TG: variants seen among roughly 807,000 people sequenced by gnomAD.
The protein encoded by TG is thyroglobulin, also known as thyroid hormones.
Under a neutral mutation model 324.7 loss-of-function variants are expected in TG, and 270 were observed. The ratio of observed to expected loss-of-function variants is 0.83; its 90% CI spans 0.75 to 0.92. The LOEUF (loss-of-function observed/expected upper bound fraction) is 0.92, where lower values mean the gene tolerates loss of function less well. TG is among the 40% of genes least tolerant of loss of function. TG has a pLI of 0.00. For missense variants in TG, 3,591 were observed against 3,456.4 expected (o/e 1.04, Z -0.98); for synonymous variants, 1,401 against 1,327.0 (o/e 1.06, Z -1.21).
intron 41 of TG, chr8:133,037,583 A>G (rs972997312): frequency 6.7e-6 from 1 of 149,648 alleles, no homozygotes; most frequent in Non-Finnish European, 1.5e-5. Context: ...TTGTTTATAC[A>G]TTTTTTCCCT....
At chr8:133,077,770 T>C (rs1297411607) in intron 41 of TG, among the ~76,000 whole-genome samples, 1 of 151,480 alleles carries the variant, frequency 6.6e-6, no homozygotes, top group East Asian at 1.9e-4. Flanking sequence ...TGTGTGTTTG[T>C]ATGTGTGTGT....
intron 20 of TG, among the ~76,000 whole-genome samples, chr8:132,918,827 T>A (rs1587402838): frequency 6.6e-6 from 1 of 152,218 alleles, no homozygotes; most frequent in East Asian, 1.9e-4. Flanking sequence ...ATTCTATAAT[T>A]TAATTTCCCA....
chr8:132,983,239 C>T (rs1336597251), intron 34 of TG, 111 bp from the exon 35 acceptor site: 1 of 1,173,564 alleles, frequency 8.5e-7, no homozygotes, highest in Non-Finnish European at 1.3e-6. Flanking sequence ...AATCTGTCTG[C>T]CTTCCAAGTC....
intron 29 of TG, chr8:132,964,476 C>T (rs1828246807): frequency 6.3e-6 from 1 of 159,896 alleles, no homozygotes; most frequent in Non-Finnish European, 1.4e-5. Context: ...GACGGTGCTT[C>T]TCAGGGTCCA....
chr8:132,896,009 C>T (rs368830736), intron 11 of TG, among the ~76,000 whole-genome samples: 1 of 152,226 alleles, frequency 6.6e-6, no homozygotes, highest in East Asian at 1.9e-4. Context: ...GGATTGAGGG[C>T]CCAGAGCGAA....
intron 41 of TG, chr8:133,047,095 T>C (rs1839564872): frequency 6.6e-6 from 1 of 152,242 alleles, no homozygotes. Context: ...TCTCATGGTC[T>C]AGATCAGGGA....
chr8:132,954,608 A>G (rs1168488782), intron 27 of TG, among the ~76,000 whole-genome samples: 9 of 152,188 alleles, frequency 5.9e-5, no homozygotes, highest in Admixed American at 2.0e-4. Context: ...GGAGGACAGC[A>G]GCTCCCAACC....
chr8:133,103,124 A>G (rs4529449), intron 43 of TG: 5,874 of 155,448 alleles, frequency 0.038, 387 homozygotes, highest in African/African-American at 0.13. Context: ...TAGGGTCTGA[A>G]CCCAGGGCAT....
At position 133,120,275 on chromosome 8, in the gene TG, A is replaced by G. The variant is rs555607124; in HGVS notation, c.7862+3559A>G. Among the ~76,000 whole-genome samples, 7 of 152,372 alleles carry G rather than the reference A, an allele frequency of 4.6e-5. No individual in the cohort carries two copies. The East Asian group carries it at 1.2e-3, about 25-fold the overall frequency. On this transcript the variant is annotated intron_variant, in intron 45 of 47. Coordinates refer to ENST00000220616, the MANE Select transcript of TG (RefSeq NM_003235.5). ...CCCAGAATTTACAGTGGCAAAATAA[A>G]AAAGAAATGAGTCTTCTACATGAGG... is the stretch of plus-strand genomic sequence containing the variant.
At chr8:132,976,697 TG>T (rs1043616717) in intron 34 of TG, among the ~76,000 whole-genome samples, 1 of 152,140 alleles carries the variant, frequency 6.6e-6, no homozygotes, top group East Asian at 1.9e-4. Context: ...GAAAACACCA[TG>T]GGATGCACAT....
Position 132,881,979 on chromosome 8 carries a change from AC to A in TG, c.745+14del. 6.3e-7 allele frequency: 1 copy of A among 1,583,540 alleles called. No individual in the cohort carries two copies. The highest frequency in any genetic ancestry group is 8.7e-7 in the Non-Finnish European group (1 of 1,152,156). On this transcript the variant is annotated intron_variant, in intron 6 of 47. Coordinates refer to ENST00000220616, the MANE Select transcript of TG (RefSeq NM_003235.5). ...GAACTGGCTGAGACAGGTGAGTGATACCCCTCAGGTGATCTGAAGGGAGGGA... is the reference window on the plus strand; with the variant it reads ...GAACTGGCTGAGACAGGTGAGTGATACCCTCAGGTGATCTGAAGGGAGGGA...
At chr8:132,983,269 T>G (rs1831115235) in intron 34 of TG, 81 bp from the exon 35 acceptor site, 1 of 1,468,100 alleles carries the variant, frequency 6.8e-7, no homozygotes, top group Non-Finnish European at 9.5e-7. Flanking sequence ...AATCACCATC[T>G]TATACTTATA....
At chr8:133,091,799 T>A (rs1298240824) in intron 41 of TG, among the ~76,000 whole-genome samples, 1 of 152,040 alleles carries the variant, frequency 6.6e-6, no homozygotes, top group East Asian at 1.9e-4. Context: ...TAAGTGTGGG[T>A]CTCCCTGTGT....
chr8:132,970,329 G>A (rs374036434), intron 32 of TG, among the ~76,000 whole-genome samples: 19 of 151,940 alleles, frequency 1.3e-4, no homozygotes, highest in South Asian at 6.3e-4. Flanking sequence ...AGAATCACCC[G>A]GAGAGCTGAA....
rs545520453 is a variant in TG at position 133,112,577 on chromosome 8, G to C, written c.7573-845G>C. On this transcript the variant is annotated intron_variant, in intron 43 of 47. Transcript: ENST00000220616. Reference sequence around the variant, plus strand: ...GAAGGAGAGAGAAGGGGAGAGAAGGGGAGGGGAAGAGAAGGTGAGGGAAGG... The same window carrying C: ...GAAGGAGAGAGAAGGGGAGAGAAGGCGAGGGGAAGAGAAGGTGAGGGAAGG... Among the ~76,000 whole-genome samples the C allele has an allele frequency of 9.2e-5, 14 of 151,926 alleles. No individual in the cohort carries two copies. The South Asian group carries it at 2.9e-3, about 32-fold the overall frequency.
chr8:133,111,498 A>C (rs1294243671), intron 43 of TG, among the ~76,000 whole-genome samples: 1 of 152,250 alleles, frequency 6.6e-6, no homozygotes, highest in African/African-American at 2.4e-5. Context: ...AGGACAGAGA[A>C]TATAATGCAG....
intron 45 of TG, among the ~76,000 whole-genome samples, chr8:133,129,694 G>A (rs1379389642): frequency 2.6e-5 from 4 of 151,922 alleles, no homozygotes; most frequent in Non-Finnish European, 5.9e-5. Context: ...ATGGGATTTT[G>A]TCATGTTGCC....
In TG at chr8:132,877,254, C is replaced by T. The variant is rs185082116; in HGVS notation, c.638+4033C>T. Among the ~76,000 whole-genome samples the T allele has an allele frequency of 4.1e-3, 625 of 152,280 alleles. 5 individuals are homozygous for T. Among genetic ancestry groups the T allele is most frequent in the African/African-American group, 0.013 (533 of 41,552 alleles). On this transcript the variant is annotated intron_variant, in intron 5 of 47. Transcript: ENST00000220616. ...TCCCAAGCTGAAACAATTCTCCTGC[C>T]TCAGCCTCCCAAGTAGCTGGGATTA...
At chr8:133,048,684 GTGAA>G (rs781010139) in intron 41 of TG, 1 of 158,360 alleles carries the variant, frequency 6.3e-6, no homozygotes, top group Non-Finnish European at 1.4e-5. Context: ...ATGCTTGCTA[GTGAA>G]TGAATGGCTC....
Sources: allele counts gnomAD v4.1 joint callset (sites outside exome capture counted in the v4.1 genomes callset), GRCh38; gene constraint gnomAD v4.1.1; transcripts MANE v1.5; gene names NCBI Gene and HGNC (gene_info 2026-07-23, HGNC 2026-07-21).